The following MYT1L variants were observed in gnomAD, a reference collection of about 807,000 sequenced individuals.
MYT1L encodes the protein myelin transcription factor 1 like, also known as myelin transcription factor 1-like protein.
MYT1L carries 12 observed loss-of-function variants against 126.7 expected under a neutral mutation model. That is an observed-to-expected ratio of 0.09 (90% CI 0.06 to 0.15). MYT1L has a LOEUF of 0.15. Among genes scored for constraint, MYT1L ranks in the 10% least tolerant of loss-of-function variants. The probability of loss-of-function intolerance (pLI) is 1.00; values close to 1 mark genes in which losing one functional copy is unlikely to be tolerated. For missense variants in MYT1L, 979 were observed against 1,585.2 expected (o/e 0.62, Z 6.49); for synonymous variants, 541 against 604.2 (o/e 0.90, Z 1.53).
chr2:1,879,936 A>G (rs2047334564), intron 18 of MYT1L, among the ~76,000 whole-genome samples: 1 of 152,228 alleles, frequency 6.6e-6, no homozygotes, highest in Non-Finnish European at 1.5e-5. Flanking sequence ...GAAATGAAAG[A>G]ATGGAATGCT....
At chr2:1,905,081 G>A (rs2050871379) in intron 13 of MYT1L, among the ~76,000 whole-genome samples, 1 of 152,056 alleles carries the variant, frequency 6.6e-6, no homozygotes. Context: ...TAGAGACAGG[G>A]TTTTGCCAAG....
intron 3 of MYT1L, among the ~76,000 whole-genome samples, chr2:2,156,114 A>T (rs1311223570): frequency 6.6e-6 from 1 of 152,252 alleles, no homozygotes; most frequent in Non-Finnish European, 1.5e-5. Context: ...TCCTTAGTGT[A>T]AAGTGAGCTT....
chr2:1,957,921 G>A (rs573226592), intron 8 of MYT1L, among the ~76,000 whole-genome samples: 12 of 152,196 alleles, frequency 7.9e-5, no homozygotes, highest in Non-Finnish European at 1.6e-4. Flanking sequence ...GGTGAACGAC[G>A]AGCTGTTTTG....
At chr2:2,158,397 T>C (rs2087103197) in intron 3 of MYT1L, among the ~76,000 whole-genome samples, 1 of 152,220 alleles carries the variant, frequency 6.6e-6, no homozygotes, top group Non-Finnish European at 1.5e-5. Flanking sequence ...GTAATTTGCA[T>C]GTTCCAGGCT....
At chr2:2,019,291 A>G (rs2064781684) in intron 4 of MYT1L, among the ~76,000 whole-genome samples, 1 of 152,058 alleles carries the variant, frequency 6.6e-6, no homozygotes, top group Admixed American at 6.6e-5. Context: ...ATTCCCCTGC[A>G]CACACTCTCT....
intron 8 of MYT1L, among the ~76,000 whole-genome samples, chr2:1,973,974 A>G (rs1049585503): frequency 1.8e-4 from 27 of 152,216 alleles, no homozygotes; most frequent in Admixed American, 7.9e-4. Flanking sequence ...AGCTTCCTCA[A>G]TGTCAAGGTT....
At chr2:2,274,404 T>C (rs2095321494) in intron 2 of MYT1L, among the ~76,000 whole-genome samples, 1 of 152,070 alleles carries the variant, frequency 6.6e-6, no homozygotes, top group South Asian at 2.1e-4. Flanking sequence ...GGTGGGTTAA[T>C]GCATTCAAAG....
chr2:1,877,675 G>A (rs1456818829), intron 18 of MYT1L, among the ~76,000 whole-genome samples: 4 of 152,174 alleles, frequency 2.6e-5, no homozygotes, highest in African/African-American at 9.7e-5. Context: ...CCTGTGCTGG[G>A]ACAGGCAGGG....
intron 8 of MYT1L, among the ~76,000 whole-genome samples, chr2:1,977,260 A>G (rs1001693420): frequency 3.3e-5 from 5 of 152,204 alleles, no homozygotes; most frequent in Admixed American, 3.3e-4. Flanking sequence ...AAGTTTCCGA[A>G]GGAAGAAAAA....
At chr2:2,163,491 C>T (rs894054906) in intron 3 of MYT1L, among the ~76,000 whole-genome samples, 17 of 151,698 alleles carry the variant, frequency 1.1e-4, no homozygotes, top group Middle Eastern at 3.4e-3. Context: ...TTTGGGAGGC[C>T]GAGGCGGGTG....
intron 2 of MYT1L, among the ~76,000 whole-genome samples, chr2:2,196,037 T>C (rs957046576): frequency 6.6e-6 from 1 of 152,000 alleles, no homozygotes; most frequent in Admixed American, 6.6e-5. Context: ...AGCCTACAAG[T>C]TCAACAAGCA....
chr2:1,903,386 T>A, intron 13 of MYT1L, 92 bp from the exon 14 acceptor site: 1 of 1,001,290 alleles, frequency 1.0e-6, no homozygotes, highest in Non-Finnish European at 1.5e-6. Context: ...TCTTACTTTT[T>A]TAAATGTGTT....
intron 21 of MYT1L, among the ~76,000 whole-genome samples, chr2:1,837,018 C>A (rs2040996781): frequency 6.6e-6 from 1 of 152,138 alleles, no homozygotes; most frequent in South Asian, 2.1e-4. Flanking sequence ...GAAATTTGTG[C>A]CTGGCATTTG....
At chr2:2,108,848 TACACCTCCTGC>T (rs2079052417) in intron 3 of MYT1L, among the ~76,000 whole-genome samples, 1 of 152,250 alleles carries the variant, frequency 6.6e-6, no homozygotes, top group Non-Finnish European at 1.5e-5. Flanking sequence ...ATATATTTTC[TACACCTCCTGC>T]AGTTTTGGTG....
At chr2:2,090,753 C>T (rs1448431273) in intron 3 of MYT1L, among the ~76,000 whole-genome samples, 3 of 152,194 alleles carry the variant, frequency 2.0e-5, no homozygotes, top group Non-Finnish European at 4.4e-5. Flanking sequence ...GGAGTCCATC[C>T]TCTCAAACCC....
intron 3 of MYT1L, among the ~76,000 whole-genome samples, chr2:2,135,991 T>C (rs1212008812): frequency 1.3e-5 from 2 of 152,194 alleles, no homozygotes; most frequent in Non-Finnish European, 2.9e-5. Context: ...TCATCAGTGA[T>C]AGACTGGATA....
chr2:2,318,874 A>T (rs1019846852), intron 1 of MYT1L, among the ~76,000 whole-genome samples: 7 of 152,192 alleles, frequency 4.6e-5, no homozygotes, highest in South Asian at 2.1e-4. Context: ...GAGCTACTTA[A>T]ATTTCCATAC....
At chr2:1,842,475 A>G (rs1434690293) in intron 19 of MYT1L, 1 of 152,230 alleles carries the variant, frequency 6.6e-6, no homozygotes, top group African/African-American at 2.4e-5. Context: ...CAGGAAGAGG[A>G]AAGAGGCGGC....
intron 5 of MYT1L, among the ~76,000 whole-genome samples, chr2:1,988,070 T>C (rs17039246): frequency 0.059 from 8,968 of 152,268 alleles, 699 homozygotes; most frequent in African/African-American, 0.17. Flanking sequence ...GCCTTTAAAA[T>C]AACTCTGGTC....
Sources: gnomAD v4.1 joint callset for allele counts (sites outside exome capture counted in the v4.1 genomes callset) on GRCh38, gnomAD v4.1.1 for gene constraint, MANE v1.5 for transcripts, NCBI Gene and HGNC (gene_info 2026-07-23, HGNC 2026-07-21) for gene names.